CDH12: variants seen among roughly 807,000 people sequenced by gnomAD.
The protein encoded by CDH12 is cadherin 12.
CDH12 carries 41 observed loss-of-function variants against 74.1 expected under a neutral mutation model. The observed-to-expected ratio is 0.55, with a 90% CI of 0.43 to 0.72. The LOEUF is 0.72. Among genes scored for constraint, CDH12 ranks in the 30% least tolerant of loss-of-function variants. CDH12 has a pLI of 0.00. For synonymous variants in CDH12, 399 were observed against 355.0 expected (o/e 1.12, Z -1.39); for missense variants, 945 against 977.2 (o/e 0.97, Z 0.44).
At chr5:22,083,975 C>A (rs1164367306) in intron 4 of CDH12, among the ~76,000 whole-genome samples, 1 of 152,098 alleles carries the variant, frequency 6.6e-6, no homozygotes, top group Non-Finnish European at 1.5e-5. Flanking sequence ...GCTATCAGGT[C>A]AATATAGTTC....
chr5:22,737,021 C>T (rs1744764281), intron 1 of CDH12, among the ~76,000 whole-genome samples: 2 of 151,858 alleles, frequency 1.3e-5, no homozygotes, highest in South Asian at 4.1e-4. Flanking sequence ...TAAGACTAGG[C>T]TTTTGCTTCT....
chr5:21,961,489 G>A (rs185061048), intron 6 of CDH12, among the ~76,000 whole-genome samples: 2 of 152,108 alleles, frequency 1.3e-5, no homozygotes, highest in East Asian at 3.9e-4. Context: ...GGGTTGAATT[G>A]TCTGCCAAAA....
At chr5:22,693,220 A>G (rs956070535) in intron 1 of CDH12, among the ~76,000 whole-genome samples, 1 of 152,172 alleles carries the variant, frequency 6.6e-6, no homozygotes, top group African/African-American at 2.4e-5. Context: ...TTTAATTGGC[A>G]AGGGAAAAGT....
intron 6 of CDH12, among the ~76,000 whole-genome samples, chr5:21,930,875 T>G (rs1754805026): frequency 6.6e-6 from 1 of 152,174 alleles, no homozygotes; most frequent in South Asian, 2.1e-4. Flanking sequence ...ATTACAAAAA[T>G]ACCTCAAATG....
intron 5 of CDH12, among the ~76,000 whole-genome samples, chr5:22,066,060 T>G (rs1376727289): frequency 6.6e-6 from 1 of 152,148 alleles, no homozygotes; most frequent in African/African-American, 2.4e-5. Flanking sequence ...TTGCACCAGT[T>G]TATAGACCCA....
chr5:22,431,065 T>A (rs1183010678), intron 2 of CDH12, among the ~76,000 whole-genome samples: 1 of 152,202 alleles, frequency 6.6e-6, no homozygotes, highest in Non-Finnish European at 1.5e-5. Flanking sequence ...TTGGTATATT[T>A]CTCCTTTATC....
chr5:22,589,502 C>G (rs994806977), intron 1 of CDH12, among the ~76,000 whole-genome samples: 1 of 152,126 alleles, frequency 6.6e-6, no homozygotes, highest in Non-Finnish European at 1.5e-5. Context: ...AGAATTATGT[C>G]CATGTCATTT....
intron 6 of CDH12, among the ~76,000 whole-genome samples, chr5:21,930,210 G>C (rs1754770003): frequency 6.6e-6 from 1 of 152,180 alleles, no homozygotes; most frequent in African/African-American, 2.4e-5. Context: ...GAGCAAGAAA[G>C]AGGGTCTTGA....
At position 22,286,367 on chromosome 5, in the gene CDH12, C is replaced by T. The variant is rs80027846; in HGVS notation, c.-332-73724G>A. The stretch of plus-strand genomic sequence containing the variant: ...ATATCATCTAGGACAAGTCATCCAT[C>T]TTGGTTGGCACCTAAAGTAGATGGG... On this transcript the variant is annotated intron_variant, in intron 3 of 14. Transcript: ENST00000382254. Among the ~76,000 whole-genome samples the T allele has an allele frequency of 7.1e-3, 1,083 of 152,258 alleles. 13 individuals are homozygous for T. The South Asian group carries it at 0.076, about 11-fold the overall frequency.
chr5:22,277,890 C>G (rs187841313), intron 3 of CDH12: 3 of 154,732 alleles, frequency 1.9e-5, no homozygotes, highest in African/African-American at 4.8e-5. Flanking sequence ...AAGCTTGCTG[C>G]AATGTGGGAA....
At chr5:22,824,682 AG>A (rs1182811511) in intron 1 of CDH12, among the ~76,000 whole-genome samples, 1 of 151,864 alleles carries the variant, frequency 6.6e-6, no homozygotes, top group East Asian at 1.9e-4. Context: ...TAAAAAGTAA[AG>A]AAGTAGACAT....
intron 1 of CDH12, among the ~76,000 whole-genome samples, chr5:22,519,963 T>C (rs1039076749): frequency 1.3e-5 from 2 of 152,208 alleles, no homozygotes; most frequent in African/African-American, 4.8e-5. Flanking sequence ...ATAATAGACT[T>C]GTTTTTTTTC....
intron 2 of CDH12, among the ~76,000 whole-genome samples, chr5:22,465,282 C>T (rs1435774626): frequency 3.3e-5 from 5 of 152,132 alleles, no homozygotes; most frequent in Non-Finnish European, 7.4e-5. Flanking sequence ...TAACTCCAGC[C>T]GTGATCTGAG....
chr5:22,118,790 C>T (rs909316429), intron 4 of CDH12, among the ~76,000 whole-genome samples: 8 of 152,032 alleles, frequency 5.3e-5, no homozygotes, highest in Admixed American at 3.9e-4. Context: ...CTGCATCATA[C>T]ATCTGAACGT....
intron 6 of CDH12, among the ~76,000 whole-genome samples, chr5:21,874,158 T>C (rs1469535787): frequency 1.3e-5 from 2 of 152,032 alleles, no homozygotes; most frequent in Non-Finnish European, 2.9e-5. Context: ...ACAAGAAACA[T>C]AAGCAAATTT....
At chr5:22,013,454 T>C (rs1209829127) in intron 5 of CDH12, among the ~76,000 whole-genome samples, 2 of 152,096 alleles carry the variant, frequency 1.3e-5, no homozygotes, top group South Asian at 2.1e-4. Flanking sequence ...CTATATCACA[T>C]TGAGTGAATG....
intron 1 of CDH12, among the ~76,000 whole-genome samples, chr5:22,551,777 T>C (rs184118886): frequency 1.4e-5 from 2 of 146,336 alleles, no homozygotes; most frequent in Admixed American, 1.5e-4. Flanking sequence ...ATAACAGCTG[T>C]GCAAAAGAGA....
At chr5:22,589,572 C>A (rs1442458957) in intron 1 of CDH12, among the ~76,000 whole-genome samples, 1 of 152,200 alleles carries the variant, frequency 6.6e-6, no homozygotes, top group Non-Finnish European at 1.5e-5. Flanking sequence ...CCTGACAAAT[C>A]TGAAGGTCAC....
chr5:22,569,111 T>C (rs565747152), intron 1 of CDH12, among the ~76,000 whole-genome samples: 1 of 152,340 alleles, frequency 6.6e-6, no homozygotes, highest in South Asian at 2.1e-4. Flanking sequence ...TGATCCACAG[T>C]AGAACTTCTT....
Sources: gnomAD v4.1 joint callset for allele counts (sites outside exome capture counted in the v4.1 genomes callset) on GRCh38, gnomAD v4.1.1 for gene constraint, MANE v1.5 for transcripts, NCBI Gene and HGNC (gene_info 2026-07-23, HGNC 2026-07-21) for gene names.